SAMD12: variants seen among roughly 807,000 people sequenced by gnomAD.
SAMD12 encodes sterile alpha motif domain-containing protein 12.
Under a neutral mutation model 15.0 loss-of-function variants are expected in SAMD12, and 9 were observed. The observed-to-expected ratio is 0.60, with a 90% CI of 0.36 to 1.05. SAMD12 has a LOEUF of 1.05. SAMD12 is among the 50% of genes least tolerant of loss of function. The probability of loss-of-function intolerance (pLI) is 0.01; values close to 1 mark genes in which losing one functional copy is unlikely to be tolerated. For synonymous variants in SAMD12, 86 were observed against 90.1 expected, an observed-to-expected ratio of 0.96 and a Z score of 0.25; for missense variants, 230 against 234.2, an observed-to-expected ratio of 0.98 and a Z score of 0.12.
chr8:118,211,639 G>T (rs1171928269), intron 4 of SAMD12, among the ~76,000 whole-genome samples: 1 of 152,004 alleles, frequency 6.6e-6, no homozygotes, highest in Non-Finnish European at 1.5e-5. Context: ...AAGTAATTCT[G>T]AATCTATAAA....
At chr8:118,261,623 A>G (rs1301218571) in intron 4 of SAMD12, among the ~76,000 whole-genome samples, 1 of 150,528 alleles carries the variant, frequency 6.6e-6, no homozygotes, top group Non-Finnish European at 1.5e-5. Flanking sequence ...GGCAACCAAG[A>G]AAACACATGA....
chr8:118,354,502 T>C (rs1486604453), intron 4 of SAMD12, among the ~76,000 whole-genome samples: 1 of 152,254 alleles, frequency 6.6e-6, no homozygotes, highest in Non-Finnish European at 1.5e-5. Context: ...TCTTCCTTCC[T>C]GAATTCTTGG....
At chr8:118,172,340 A>T in the SAMD12 span, among the ~76,000 whole-genome samples, 1 of 152,184 alleles carries the variant, frequency 6.6e-6, no homozygotes, top group Non-Finnish European at 1.5e-5. Context: ...AGAAAAAGAA[A>T]CCTGAAACAG....
At chr8:118,413,722 T>C (rs1265859500) in intron 3 of SAMD12, among the ~76,000 whole-genome samples, 2 of 152,292 alleles carry the variant, frequency 1.3e-5, no homozygotes, top group East Asian at 1.9e-4. Flanking sequence ...CTCTATGGCA[T>C]GTAGCCCAGT....
intron 2 of SAMD12, among the ~76,000 whole-genome samples, chr8:118,485,812 A>G (rs1236846769): frequency 1.3e-5 from 2 of 152,218 alleles, no homozygotes; most frequent in Non-Finnish European, 2.9e-5. Flanking sequence ...GGCAAATCCA[A>G]ACACAGCTGA....
intron 4 of SAMD12, among the ~76,000 whole-genome samples, chr8:118,359,972 C>G (rs1241713930): frequency 6.6e-6 from 1 of 152,062 alleles, no homozygotes; most frequent in East Asian, 1.9e-4. Flanking sequence ...AAGTGTTCAG[C>G]AAACATTTAT....
At chr8:118,208,947 T>C (rs998984994) in intron 4 of SAMD12, among the ~76,000 whole-genome samples, 1 of 152,166 alleles carries the variant, frequency 6.6e-6, no homozygotes, top group Admixed American at 6.5e-5. Context: ...TCCATCATGT[T>C]CCCAGAATCA....
chr8:118,554,374 T>G (rs1218560863), intron 2 of SAMD12, among the ~76,000 whole-genome samples: 3 of 152,164 alleles, frequency 2.0e-5, no homozygotes, highest in East Asian at 1.9e-4. Flanking sequence ...TGAGTTCATG[T>G]CCTTTGTAGG....
chr8:118,256,374 A>G (rs1453881675), intron 4 of SAMD12, among the ~76,000 whole-genome samples: 1 of 152,130 alleles, frequency 6.6e-6, no homozygotes, highest in East Asian at 1.9e-4. Context: ...TCCTTTTCAC[A>G]CTGCTGTGAG....
At chr8:118,460,936 G>A (rs931717418) in intron 2 of SAMD12, among the ~76,000 whole-genome samples, 1 of 152,126 alleles carries the variant, frequency 6.6e-6, no homozygotes, top group African/African-American at 2.4e-5. Context: ...TCACTTTCTC[G>A]GAACCATTTC....
chr8:118,540,700 T>TAA (rs61083709), intron 2 of SAMD12, among the ~76,000 whole-genome samples: 15,864 of 150,280 alleles, frequency 0.11, 924 homozygotes, highest in African/African-American at 0.15. Flanking sequence ...CAACTGGCCA[T>TAA]AAAAAAAAAA....
downstream of SAMD12, among the ~76,000 whole-genome samples, chr8:118,374,530 A>G (rs1019045772): frequency 1.3e-5 from 2 of 152,028 alleles, no homozygotes; most frequent in Admixed American, 1.3e-4. Context: ...TGGTAACTCT[A>G]TTTTTAGTTT....
chr8:118,497,568 C>A (rs1824652787), intron 2 of SAMD12, among the ~76,000 whole-genome samples: 1 of 151,876 alleles, frequency 6.6e-6, no homozygotes, highest in African/African-American at 2.4e-5. Context: ...GCCGACTTGA[C>A]AGGGGAGTGT....
chr8:118,152,243 G>T, the SAMD12 span, among the ~76,000 whole-genome samples: 1 of 152,100 alleles, frequency 6.6e-6, no homozygotes, highest in Non-Finnish European at 1.5e-5. Flanking sequence ...GTTTAAAGTT[G>T]GGATCTGACT....
chr8:118,252,332 A>C (rs1050236108), intron 4 of SAMD12, among the ~76,000 whole-genome samples: 4 of 152,132 alleles, frequency 2.6e-5, no homozygotes, highest in African/African-American at 9.7e-5. Context: ...TCATGTAGAG[A>C]GGGGTCTGTC....
chr8:118,591,041 A>G (rs943885927), intron 1 of SAMD12, among the ~76,000 whole-genome samples: 1 of 152,212 alleles, frequency 6.6e-6, no homozygotes, highest in Admixed American at 6.5e-5. Context: ...TGGAGGAAAC[A>G]AAGGATAATT....
chr8:118,331,478 C>G (rs1214414611), intron 4 of SAMD12, among the ~76,000 whole-genome samples: 1 of 152,100 alleles, frequency 6.6e-6, no homozygotes, highest in Non-Finnish European at 1.5e-5. Context: ...CCCTGGAAAA[C>G]AAGATACCAA....
chr8:118,273,388 A>T (rs1813410450), intron 4 of SAMD12, among the ~76,000 whole-genome samples: 1 of 152,210 alleles, frequency 6.6e-6, no homozygotes, highest in Non-Finnish European at 1.5e-5. Flanking sequence ...CAAAAATTCA[A>T]GATGAGATTT....
intron 3 of SAMD12, among the ~76,000 whole-genome samples, chr8:118,414,499 C>T (rs753842496): frequency 6.6e-6 from 1 of 152,128 alleles, no homozygotes; most frequent in Non-Finnish European, 1.5e-5. Flanking sequence ...GAAAGGTAAG[C>T]ACATGTATTA....
Sources: gnomAD v4.1 joint callset for allele counts (sites outside exome capture counted in the v4.1 genomes callset) on GRCh38, gnomAD v4.1.1 for gene constraint, MANE v1.5 for transcripts, NCBI Gene and HGNC (gene_info 2026-07-23, HGNC 2026-07-21) for gene names.